HIVEP3: variants seen among roughly 807,000 people sequenced by gnomAD.
The protein encoded by HIVEP3 is transcription factor HIVEP3.
Under a neutral mutation model 152.8 loss-of-function variants are expected in HIVEP3, and 49 were observed. The ratio of observed to expected loss-of-function variants is 0.32; its 90% confidence interval spans 0.26 to 0.41. The LOEUF is 0.41. Ranked by LOEUF, HIVEP3 falls within the 10% of genes least tolerant of loss-of-function variation. The pLI, the probability that HIVEP3 is intolerant of heterozygous loss-of-function variation, is 1.00. For synonymous variants in HIVEP3, 1,269 were observed against 1,289.0 expected (o/e 0.98, Z 0.33); for missense variants, 2,790 against 3,103.3 (o/e 0.90, Z 2.40).
At position 41,873,167 on chromosome 1, in the gene HIVEP3, G is replaced by T. The variant is rs1307005330; in HGVS notation, c.-801+45246C>A. ...ACTGCTCTAGCCAGATGCCTCCCCT[G>T]GTGTTTACTTCACCCACAGGAAAAT... On this transcript the variant is annotated intron_variant, in intron 1 of 8. Coordinates refer to ENST00000372583, the MANE Select transcript of HIVEP3 (RefSeq NM_024503.5). This position sits in a 1 kb window ranked among gnomAD's most constrained non-coding sequence, Gnocchi z 4.2. 1.3e-5 allele frequency among the ~76,000 whole-genome samples: 2 copies of T among 152,190 alleles called. No individual in the cohort carries two copies. Among genetic ancestry groups the T allele is most frequent in the African/African-American group, 2.4e-5 (1 of 41,456 alleles).
chr1:41,540,864 TG>T (rs1250390275), intron 5 of HIVEP3, among the ~76,000 whole-genome samples: 1 of 152,170 alleles, frequency 6.6e-6, no homozygotes, highest in Admixed American at 6.5e-5. Flanking sequence ...AATGTAAGTC[TG>T]GGGCAAAATA....
intron 1 of HIVEP3, among the ~76,000 whole-genome samples, chr1:41,883,651 C>A (rs1031130464): frequency 6.6e-6 from 1 of 152,234 alleles, no homozygotes; most frequent in Non-Finnish European, 1.5e-5. Context: ...ATCGAGCCTG[C>A]CCCCTCAATG....
At chr1:41,726,662 G>A (rs142128682) in intron 1 of HIVEP3, among the ~76,000 whole-genome samples, 8 of 152,320 alleles carry the variant, frequency 5.3e-5, no homozygotes, top group Admixed American at 1.3e-4. Flanking sequence ...GGGCAAGTCT[G>A]GAGAGGCCCA....
Position 41,584,540 on chromosome 1 carries a change from G to T in HIVEP3, c.258C>A (p.Ile86=). The T allele has an allele frequency of 6.2e-7, 1 of 1,614,002 alleles. No individual in the cohort carries two copies. Among genetic ancestry groups the T allele is most frequent in the Non-Finnish European group, 8.5e-7 (1 of 1,179,982 alleles). ...GCTGTGAGATGTGGACGGATGCTTC[G>T]ATGGGGGGCCTTTTGGGGGGCTTCT... ...QQQKPPKRPP[I]EASVHISQLP... Residue 86 remains isoleucine, a synonymous_variant, in exon 4 of 9, where the codon ATC becomes ATA. Transcript: ENST00000372583. The surrounding 1 kb of genome is among the most constrained non-coding windows in gnomAD (Gnocchi z 5.2).
chr1:42,030,816 T>G (rs772084410), intron 1 of HIVEP3, among the ~76,000 whole-genome samples: 2 of 152,248 alleles, frequency 1.3e-5, no homozygotes, highest in Non-Finnish European at 2.9e-5. Flanking sequence ...AGCCAGCAGT[T>G]GACAATCATT....
chr1:41,850,565 C>T (rs1421826796), intron 1 of HIVEP3, among the ~76,000 whole-genome samples: 1 of 152,146 alleles, frequency 6.6e-6, no homozygotes, highest in African/African-American at 2.4e-5. Context: ...TAATTTTTGT[C>T]GTCATTAGAG....
intron 5 of HIVEP3, among the ~76,000 whole-genome samples, chr1:41,550,613 A>T (rs1340903734): frequency 6.6e-6 from 1 of 152,178 alleles, no homozygotes; most frequent in East Asian, 1.9e-4. Context: ...TTGGATTCCT[A>T]GGTATTTTAT....
intron 2 of HIVEP3, among the ~76,000 whole-genome samples, chr1:41,674,706 G>T (rs1485781659): frequency 6.6e-6 from 1 of 152,194 alleles, no homozygotes; most frequent in Non-Finnish European, 1.5e-5. Flanking sequence ...TCCTCACGCT[G>T]AGATCACATC....
intron 3 of HIVEP3, among the ~76,000 whole-genome samples, chr1:41,618,476 C>T (rs1007959703): frequency 5.9e-5 from 9 of 152,318 alleles, no homozygotes; most frequent in African/African-American, 2.2e-4. Flanking sequence ...CCTTGTGGCT[C>T]CTGGCAGCCT....
intron 3 of HIVEP3, among the ~76,000 whole-genome samples, chr1:41,622,771 G>A (rs1645064775): frequency 6.6e-6 from 1 of 152,224 alleles, no homozygotes; most frequent in African/African-American, 2.4e-5. Context: ...TGCTGGAGCA[G>A]GCAAGCCAGG....
At chr1:41,835,250 A>AT (rs962140463) in intron 1 of HIVEP3, among the ~76,000 whole-genome samples, 1 of 152,108 alleles carries the variant, frequency 6.6e-6, no homozygotes, top group African/African-American at 2.4e-5. Flanking sequence ...ACAGAAATTT[A>AT]TTTTTTTCAC....
chr1:41,548,497 C>T (rs1318584084), intron 5 of HIVEP3, among the ~76,000 whole-genome samples: 1 of 151,896 alleles, frequency 6.6e-6, no homozygotes, highest in Non-Finnish European at 1.5e-5. Context: ...ATTGTGGTAA[C>T]AAATACACAA....
At chr1:41,651,162 C>A (rs1645542934) in intron 2 of HIVEP3, among the ~76,000 whole-genome samples, 1 of 152,048 alleles carries the variant, frequency 6.6e-6, no homozygotes, top group African/African-American at 2.4e-5. Flanking sequence ...GTAATCCCAG[C>A]ACTTTGGGAG....
At position 41,531,565 on chromosome 1, in the gene HIVEP3, A is replaced by G. The variant is rs190238889; in HGVS notation, c.5208-6655T>C. Among the ~76,000 whole-genome samples the G allele has an allele frequency of 5.8e-3, 175 of 30,140 alleles. 24 individuals carry two copies. Among genetic ancestry groups the G allele is most frequent in the East Asian group, 0.062 (2 of 32 alleles). 19.8% of individuals were successfully genotyped at this position (30,140 alleles called of 152,430 possible). A position where few individuals can be genotyped will look rare whatever the true frequency, so the allele number is the denominator to read the frequency against. On this transcript the variant is annotated intron_variant, in intron 5 of 8. Transcript: ENST00000372583. ...GGAGATGGAGGACAGGAGAGATGGA[A>G]GACAGGGGAGATGGAGGACAGGAGA...
intron 5 of HIVEP3, among the ~76,000 whole-genome samples, chr1:41,555,286 A>C (rs989612203): frequency 2.6e-5 from 4 of 152,224 alleles, no homozygotes; most frequent in African/African-American, 9.6e-5. Context: ...CTCTGTGGGC[A>C]TGGGACCTGC....
chr1:41,823,890 G>C (rs1411686822), intron 1 of HIVEP3, among the ~76,000 whole-genome samples: 1 of 152,152 alleles, frequency 6.6e-6, no homozygotes, highest in East Asian at 1.9e-4. Context: ...TGACACAAAA[G>C]CACTGAAACC....
At chr1:41,877,261 T>C (rs2068568) in intron 1 of HIVEP3, among the ~76,000 whole-genome samples, 1 of 152,144 alleles carries the variant, frequency 6.6e-6, no homozygotes, top group African/African-American at 2.4e-5. Flanking sequence ...GGGGAATTCC[T>C]TTCTGGGAGA....
At chr1:41,544,860 A>T (rs1253172029) in intron 5 of HIVEP3, among the ~76,000 whole-genome samples, 4 of 116,608 alleles carry the variant, frequency 3.4e-5, no homozygotes, top group Non-Finnish European at 5.3e-5. Context: ...CACCACCACC[A>T]CCACCACCAC....
intron 1 of HIVEP3, among the ~76,000 whole-genome samples, chr1:41,939,752 A>C (rs1455638914): frequency 1.3e-5 from 2 of 152,222 alleles, no homozygotes; most frequent in Non-Finnish European, 2.9e-5. Context: ...CTGGAAAAGA[A>C]CTTAGAGATA....
Sources: gnomAD v4.1 joint callset for allele counts (sites outside exome capture counted in the v4.1 genomes callset) on GRCh38, gnomAD v4.1.1 for gene constraint, Gnocchi (gnomAD v3.1) non-coding constraint, MANE v1.5 for transcripts, NCBI Gene and HGNC (gene_info 2026-07-23, HGNC 2026-07-21) for gene names.